Variants in PTPRD observed in about 807,000 individuals in gnomAD.
The protein encoded by PTPRD is protein tyrosine phosphatase receptor type D, also known as receptor-type tyrosine-protein phosphatase delta.
Under a neutral mutation model 214.5 loss-of-function variants are expected in PTPRD, and 34 were observed. That is an observed-to-expected ratio of 0.16 (90% CI 0.12 to 0.21). The LOEUF (loss-of-function observed/expected upper bound fraction) is 0.21. Among genes scored for constraint, PTPRD ranks in the 10% least tolerant of loss-of-function variants. The probability of loss-of-function intolerance (pLI) is 1.00; values close to 1 mark genes in which losing one functional copy is unlikely to be tolerated. For synonymous variants in PTPRD, 1,128 were observed against 845.7 expected (o/e 1.33, Z -5.79); for missense variants, 2,545 against 2,398.7 (o/e 1.06, Z -1.27).
chr9:9,163,891 G>C (rs930830331), intron 10 of PTPRD, among the ~76,000 whole-genome samples: 1 of 151,988 alleles, frequency 6.6e-6, no homozygotes, highest in Non-Finnish European at 1.5e-5. Context: ...ATTCACTTTA[G>C]CACCCCTCTT....
At chr9:9,034,441 G>A (rs1198293147) in intron 10 of PTPRD, among the ~76,000 whole-genome samples, 1 of 152,138 alleles carries the variant, frequency 6.6e-6, no homozygotes, top group African/African-American at 2.4e-5. Flanking sequence ...CCTGCACTAT[G>A]TGTCTCCCAA....
chr9:10,282,911 T>C (rs1323645176), intron 3 of PTPRD, among the ~76,000 whole-genome samples: 3 of 152,150 alleles, frequency 2.0e-5, no homozygotes, highest in South Asian at 2.1e-4. Flanking sequence ...ACCAAAACTC[T>C]ATTCTCTCAT....
chr9:9,807,389 A>C (rs758685389), intron 5 of PTPRD, among the ~76,000 whole-genome samples: 1 of 152,134 alleles, frequency 6.6e-6, no homozygotes, highest in East Asian at 1.9e-4. Context: ...TGATTTCACG[A>C]AACAGGTGGG....
chr9:10,570,818 T>A (rs912617931), intron 2 of PTPRD, among the ~76,000 whole-genome samples: 22 of 152,100 alleles, frequency 1.4e-4, no homozygotes, highest in African/African-American at 5.1e-4. Context: ...CTCTATTGGC[T>A]TACTATCTCC....
chr9:9,236,048 G>A (rs910567676), intron 9 of PTPRD, among the ~76,000 whole-genome samples: 20 of 152,198 alleles, frequency 1.3e-4, no homozygotes, highest in African/African-American at 4.6e-4. Context: ...TGGATCACCT[G>A]AGGTCAGGAG....
intron 2 of PTPRD, among the ~76,000 whole-genome samples, chr9:10,388,963 T>C (rs1008399057): frequency 6.6e-6 from 1 of 151,816 alleles, no homozygotes. Flanking sequence ...AGTTGAAAGA[T>C]TTAATCAAGA....
intron 8 of PTPRD, among the ~76,000 whole-genome samples, chr9:9,512,588 C>T (rs1293243127): frequency 1.3e-5 from 2 of 151,806 alleles, no homozygotes; most frequent in African/African-American, 2.4e-5. Flanking sequence ...ATTTCGTGAG[C>T]CTCTTTTTGG....
At chr9:10,432,766 C>T (rs1231483783) in intron 2 of PTPRD, among the ~76,000 whole-genome samples, 2 of 152,000 alleles carry the variant, frequency 1.3e-5, no homozygotes, top group Non-Finnish European at 2.9e-5. Flanking sequence ...GCCTTCTATG[C>T]TCCAGGGTCT....
intron 11 of PTPRD, among the ~76,000 whole-genome samples, chr9:8,747,331 T>C (rs556736309): frequency 6.6e-6 from 1 of 152,258 alleles, no homozygotes; most frequent in East Asian, 1.9e-4. Flanking sequence ...TATGCTTACC[T>C]AGTCCTCCAT....
intron 11 of PTPRD, among the ~76,000 whole-genome samples, chr9:8,847,283 C>T (rs1249519641): frequency 8.0e-6 from 1 of 124,852 alleles, no homozygotes; most frequent in African/African-American, 4.6e-5. Context: ...ACTGAATATA[C>T]ATAACAGTAT....
At chr9:9,799,620 A>T (rs1017869167) in intron 5 of PTPRD, 2 of 152,174 alleles carry the variant, frequency 1.3e-5, no homozygotes, top group African/African-American at 4.8e-5. Context: ...TAAAGCATAC[A>T]TTTGCTAATG....
At chr9:10,000,781 A>T (rs2096288105) in intron 4 of PTPRD, among the ~76,000 whole-genome samples, 1 of 152,170 alleles carries the variant, frequency 6.6e-6, no homozygotes, top group South Asian at 2.1e-4. Flanking sequence ...CAGCTTGGTG[A>T]TTCTCACCCT....
At chr9:8,956,254 G>A (rs531123321) in intron 11 of PTPRD, among the ~76,000 whole-genome samples, 3 of 151,828 alleles carry the variant, frequency 2.0e-5, no homozygotes, top group Non-Finnish European at 4.4e-5. Context: ...CATGAATAAA[G>A]TCTATCACCT....
intron 2 of PTPRD, among the ~76,000 whole-genome samples, chr9:10,509,861 T>C (rs1415013648): frequency 6.6e-6 from 1 of 151,900 alleles, no homozygotes; most frequent in Non-Finnish European, 1.5e-5. Flanking sequence ...CAGGTATATA[T>C]TTATTCCTCT....
chr9:9,399,032 G>C (rs1417507026), intron 8 of PTPRD, among the ~76,000 whole-genome samples: 1 of 151,796 alleles, frequency 6.6e-6, no homozygotes, highest in Admixed American at 6.6e-5. Context: ...AACCACTTTA[G>C]ACTTCAAAAT....
At chr9:9,867,986 T>G (rs950230739) in intron 5 of PTPRD, among the ~76,000 whole-genome samples, 5 of 152,172 alleles carry the variant, frequency 3.3e-5, no homozygotes, top group Non-Finnish European at 1.5e-5. Context: ...ATAGCTAGAC[T>G]AATTCCTTTC....
chr9:9,090,907 A>T (rs1458442618), intron 10 of PTPRD: 2 of 1,460,050 alleles, frequency 1.4e-6, no homozygotes, highest in East Asian at 2.3e-5. Flanking sequence ...GATGACAAAG[A>T]AAAGAAGGAA....
chr9:9,588,335 G>T (rs1049497378), intron 7 of PTPRD, among the ~76,000 whole-genome samples: 3 of 151,884 alleles, frequency 2.0e-5, no homozygotes, highest in Non-Finnish European at 4.4e-5. Flanking sequence ...TGCTTCTACT[G>T]AGTTACATTT....
At chr9:9,051,417 A>G (rs1290594689) in intron 10 of PTPRD, among the ~76,000 whole-genome samples, 2 of 152,178 alleles carry the variant, frequency 1.3e-5, no homozygotes, top group Non-Finnish European at 2.9e-5. Context: ...TATACAGAAT[A>G]TTGCATATCT....
Sources: gnomAD v4.1 joint callset for allele counts (sites outside exome capture counted in the v4.1 genomes callset) on GRCh38, gnomAD v4.1.1 for gene constraint, MANE v1.5 for transcripts, NCBI Gene and HGNC (gene_info 2026-07-23, HGNC 2026-07-21) for gene names.